ADGRB3: variants seen among roughly 807,000 people sequenced by gnomAD.
ADGRB3 encodes the protein brain-specific angiogenesis inhibitor 3.
Under a neutral mutation model 193.4 loss-of-function variants are expected in ADGRB3, and 37 were observed. The ratio of observed to expected loss-of-function variants is 0.19; its 90% CI spans 0.15 to 0.25. ADGRB3 has a LOEUF of 0.25. ADGRB3 is among the 10% of genes least tolerant of loss of function. The pLI is 1.00. For missense variants in ADGRB3, 1,637 were observed against 1,852.9 expected (o/e 0.88, Z 2.14); for synonymous variants, 690 against 644.2 (o/e 1.07, Z -1.08).
chr6:68,639,495 T>C, intron 3 of ADGRB3, 63 bp downstream of exon 3: 2 of 1,468,802 alleles, frequency 1.4e-6, no homozygotes, highest in Non-Finnish European at 1.8e-6. Context: ...AGTTAAAACG[T>C]GCTGTTTCAA....
intron 17 of ADGRB3, among the ~76,000 whole-genome samples, chr6:69,192,020 C>A (rs1765199024): frequency 6.6e-6 from 1 of 152,088 alleles, no homozygotes; most frequent in South Asian, 2.1e-4. Flanking sequence ...TACCCTTAAT[C>A]TTTATCTGTG....
chr6:68,737,172 A>G (rs992325861), intron 3 of ADGRB3, among the ~76,000 whole-genome samples: 4 of 152,144 alleles, frequency 2.6e-5, no homozygotes, highest in Non-Finnish European at 4.4e-5. Context: ...ATTGCTCATC[A>G]GTGGAGTTAC....
intron 3 of ADGRB3, among the ~76,000 whole-genome samples, chr6:68,909,731 T>C (rs568515219): frequency 6.6e-6 from 1 of 152,262 alleles, no homozygotes; most frequent in East Asian, 1.9e-4. Context: ...TTCCAAACAA[T>C]CTACTGCTTG....
chr6:68,683,795 G>A (rs1038187637), intron 3 of ADGRB3, among the ~76,000 whole-genome samples: 3 of 151,988 alleles, frequency 2.0e-5, no homozygotes, highest in Non-Finnish European at 4.4e-5. Context: ...ATACCTTTAC[G>A]GCAGTGTCCC....
At chr6:68,770,092 T>A (rs998073415) in intron 3 of ADGRB3, among the ~76,000 whole-genome samples, 1 of 152,152 alleles carries the variant, frequency 6.6e-6, no homozygotes, top group African/African-American at 2.4e-5. Context: ...TCTGTGTACT[T>A]TGTTTTCTGG....
At chr6:68,770,727 T>C (rs1048767116) in intron 3 of ADGRB3, among the ~76,000 whole-genome samples, 13 of 152,118 alleles carry the variant, frequency 8.5e-5, no homozygotes, top group Admixed American at 3.3e-4. Context: ...GAAACTGAAA[T>C]TCTAGAAATT....
chr6:69,051,519 A>G (rs1771393167), intron 15 of ADGRB3, among the ~76,000 whole-genome samples: 1 of 152,210 alleles, frequency 6.6e-6, no homozygotes, highest in Non-Finnish European at 1.5e-5. Context: ...GACCAGATAT[A>G]AGGACAATAG....
At chr6:69,124,839 C>T (rs903134488) in intron 17 of ADGRB3, among the ~76,000 whole-genome samples, 2 of 151,794 alleles carry the variant, frequency 1.3e-5, no homozygotes, top group African/African-American at 4.8e-5. Flanking sequence ...CTGTTTCCTC[C>T]AGAGTCTGCC....
chr6:68,853,248 C>T (rs1172631611), intron 3 of ADGRB3, among the ~76,000 whole-genome samples: 1 of 151,664 alleles, frequency 6.6e-6, no homozygotes, highest in Non-Finnish European at 1.5e-5. Context: ...CAGAAATTGC[C>T]CACAGTAAAT....
intron 17 of ADGRB3, among the ~76,000 whole-genome samples, chr6:69,079,099 C>T (rs1418465269): frequency 6.6e-6 from 1 of 152,008 alleles, no homozygotes. Context: ...CCATTATAAA[C>T]AATTAATTTT....
intron 3 of ADGRB3, among the ~76,000 whole-genome samples, chr6:68,859,115 T>C (rs1372415600): frequency 6.6e-6 from 1 of 152,200 alleles, no homozygotes; most frequent in Non-Finnish European, 1.5e-5. Flanking sequence ...TAAATTATCT[T>C]TCTCAAGTTC....
intron 17 of ADGRB3, among the ~76,000 whole-genome samples, chr6:69,092,295 C>T (rs1772732528): frequency 6.6e-6 from 1 of 152,142 alleles, no homozygotes; most frequent in African/African-American, 2.4e-5. Context: ...TTTCCATTGT[C>T]TATTTTGGGG....
intron 3 of ADGRB3, among the ~76,000 whole-genome samples, chr6:68,889,509 T>C (rs370034863): frequency 2.6e-4 from 2 of 7,794 alleles, no homozygotes; most frequent in Non-Finnish European, 7.8e-4. Context: ...TCTCTTTTAT[T>C]TTTTTTTTTT....
At chr6:69,005,397 T>C (rs954962133) in intron 11 of ADGRB3, among the ~76,000 whole-genome samples, 3 of 152,010 alleles carry the variant, frequency 2.0e-5, no homozygotes, top group African/African-American at 4.8e-5. Context: ...ATCTGAGCTA[T>C]TCTGAGACTC....
intron 13 of ADGRB3, among the ~76,000 whole-genome samples, chr6:69,023,887 T>A (rs751849907): frequency 6.6e-6 from 1 of 152,092 alleles, no homozygotes; most frequent in Non-Finnish European, 1.5e-5. Flanking sequence ...CATAACTGAC[T>A]GGGGTGTGAG....
At chr6:68,666,755 G>T (rs1768811679) in intron 3 of ADGRB3, among the ~76,000 whole-genome samples, 1 of 151,384 alleles carries the variant, frequency 6.6e-6, no homozygotes, top group South Asian at 2.1e-4. Flanking sequence ...GTCATAACTA[G>T]AACTTATTTT....
At position 68,856,887 on chromosome 6, in the gene ADGRB3, A is replaced by G. The variant is rs553151415; in HGVS notation, c.758-73672A>G. ...GGAGGAAAAGATGATTTCATGGGCC[A>G]GGCCCTGGGCTCTCCTGCTCTGTGC... On this transcript the variant is annotated intron_variant, in intron 3 of 31. Transcript: ENST00000370598. Among the ~76,000 whole-genome samples the G allele has an allele frequency of 7.2e-5, 11 of 152,350 alleles. No homozygotes were observed. The South Asian group carries it at 2.1e-3, about 29-fold the overall frequency.
At chr6:69,372,905 C>T (rs1028476660) in intron 30 of ADGRB3, among the ~76,000 whole-genome samples, 15 of 151,884 alleles carry the variant, frequency 9.9e-5, no homozygotes, top group African/African-American at 2.7e-4. Flanking sequence ...AGGTTCTCTG[C>T]GGTACATTTG....
At chr6:69,043,290 G>A (rs7764612) in intron 13 of ADGRB3, among the ~76,000 whole-genome samples, 10 of 88,082 alleles carry the variant, frequency 1.1e-4, no homozygotes, top group African/African-American at 3.3e-4. Context: ...GGAAGAAAGA[G>A]AGAAAGAAAG....
Sources: gnomAD v4.1 joint callset for allele counts (sites outside exome capture counted in the v4.1 genomes callset) on GRCh38, gnomAD v4.1.1 for gene constraint, MANE v1.5 for transcripts, NCBI Gene and HGNC (gene_info 2026-07-23, HGNC 2026-07-21) for gene names.